Variants in DACH1 observed in about 807,000 individuals in gnomAD.
DACH1 encodes the protein dachshund homolog 1.
In DACH1, 12 loss-of-function variants were observed where a neutral mutation model predicts 54.2. That is an observed-to-expected ratio of 0.22 (90% CI 0.14 to 0.36). DACH1 has a LOEUF of 0.36. Among genes scored for constraint, DACH1 ranks in the 10% least tolerant of loss-of-function variants. DACH1 has a pLI of 1.00. For missense variants in DACH1, 805 were observed against 929.8 expected (o/e 0.87, Z 1.75); for synonymous variants, 386 against 366.2 (o/e 1.05, Z -0.62).
chr13:71,632,171 C>T (rs1594016965), intron 2 of DACH1, among the ~76,000 whole-genome samples: 1 of 151,890 alleles, frequency 6.6e-6, no homozygotes, highest in African/African-American at 2.4e-5. Flanking sequence ...GAGACAAGAT[C>T]TCGGAAGATC....
intron 2 of DACH1, among the ~76,000 whole-genome samples, chr13:71,636,030 C>T (rs747059075): frequency 2.6e-5 from 4 of 152,202 alleles, no homozygotes; most frequent in Admixed American, 2.0e-4. Flanking sequence ...GTGATCCACC[C>T]GTCTCAGCTT....
At chr13:71,850,759 G>A (rs1873604481) in intron 1 of DACH1, among the ~76,000 whole-genome samples, 1 of 152,146 alleles carries the variant, frequency 6.6e-6, no homozygotes, top group African/African-American at 2.4e-5. Flanking sequence ...CTGTCTTTGA[G>A]TCACTCTGAC....
chr13:71,713,416 CTTATAA>C (rs1260682920), intron 1 of DACH1, among the ~76,000 whole-genome samples: 2 of 152,112 alleles, frequency 1.3e-5, no homozygotes, highest in Admixed American at 6.6e-5. Context: ...TTATTGTTCT[CTTATAA>C]TTATATCACT....
intron 3 of DACH1, among the ~76,000 whole-genome samples, chr13:71,600,855 A>G (rs1391396431): frequency 6.6e-6 from 1 of 152,136 alleles, no homozygotes; most frequent in Non-Finnish European, 1.5e-5. Flanking sequence ...ACTTTTCATT[A>G]GAATCACCTG....
At chr13:71,816,085 CA>C (rs1371160536) in intron 1 of DACH1, among the ~76,000 whole-genome samples, 2 of 145,354 alleles carry the variant, frequency 1.4e-5, no homozygotes, top group Non-Finnish European at 1.5e-5. Flanking sequence ...ACTCCGTCTC[CA>C]AAAAAAAATA....
intron 6 of DACH1, among the ~76,000 whole-genome samples, chr13:71,521,760 A>C (rs1476772535): frequency 1.3e-5 from 2 of 152,072 alleles, no homozygotes; most frequent in Non-Finnish European, 2.9e-5. Context: ...CAGCCTCTAC[A>C]CCATACTTAA....
At chr13:71,484,898 T>C (rs1878352080) in intron 7 of DACH1, among the ~76,000 whole-genome samples, 1 of 151,914 alleles carries the variant, frequency 6.6e-6, no homozygotes, top group Non-Finnish European at 1.5e-5. Context: ...GCATCTCTAC[T>C]AAAATGCTTT....
intron 10 of DACH1, among the ~76,000 whole-genome samples, chr13:71,452,974 C>T (rs1023464498): frequency 6.6e-6 from 1 of 152,066 alleles, no homozygotes; most frequent in Non-Finnish European, 1.5e-5. Flanking sequence ...TTTTGCTTTG[C>T]TTTTATAAAT....
chr13:71,559,825 C>G lies in DACH1; in HGVS notation c.1430G>C (p.Arg477Thr), dbSNP rs776174060. 1 of 1,613,758 alleles carries G rather than the reference C, an allele frequency of 6.2e-7. No homozygotes were observed. The highest frequency in any genetic ancestry group is 1.1e-5 in the South Asian group (1 of 91,062). ...AGTAGAAGTATGAGACCTACGGATT[C>G]TGTCAGAAGAGCTCTCAGTCCGAGC... Reference protein sequence around the residue: ...SPARTESSSDRIPVHQNGLSM... With the variant: ...SPARTESSSDTIPVHQNGLSM... Residue 477 changes from arginine to threonine, a missense_variant, in exon 5 of 11, where the codon AGA (arginine) becomes ACA (threonine). Physicochemically the swap from Arg to Thr is moderately conservative, Grantham distance 71. This residue lies in a region of DACH1 where 472 missense variants were observed against 545.3 expected (regional missense o/e 0.87). Transcript: ENST00000613252.
At chr13:71,693,998 C>T (rs1301880707) in intron 1 of DACH1, among the ~76,000 whole-genome samples, 1 of 152,038 alleles carries the variant, frequency 6.6e-6, no homozygotes, top group African/African-American at 2.4e-5. Context: ...ATGATTGCTC[C>T]TTAGAGATGT....
intron 3 of DACH1, among the ~76,000 whole-genome samples, chr13:71,586,204 G>C (rs1273097304): frequency 6.6e-6 from 1 of 152,114 alleles, no homozygotes; most frequent in Non-Finnish European, 1.5e-5. Flanking sequence ...CAACAATGTG[G>C]AGTTCTTATT....
chr13:71,507,003 C>T (rs574074296), intron 6 of DACH1, among the ~76,000 whole-genome samples: 32 of 151,350 alleles, frequency 2.1e-4, no homozygotes, highest in Admixed American at 7.3e-4. Context: ...TGGGCAAGGA[C>T]TTCATGTCTA....
chr13:71,723,744 G>T (rs944039923), intron 1 of DACH1, among the ~76,000 whole-genome samples: 2 of 152,130 alleles, frequency 1.3e-5, no homozygotes, highest in African/African-American at 4.8e-5. Context: ...AGTCTGAAGT[G>T]CAGTGGTGCT....
At chr13:71,766,076 C>T (rs1213818080) in intron 1 of DACH1, among the ~76,000 whole-genome samples, 1 of 151,930 alleles carries the variant, frequency 6.6e-6, no homozygotes, top group Non-Finnish European at 1.5e-5. Context: ...TTAGTAGAGA[C>T]GGGGTTTCAC....
At chr13:71,543,046 T>A (rs1883237005) in intron 6 of DACH1, among the ~76,000 whole-genome samples, 4 of 152,078 alleles carry the variant, frequency 2.6e-5, no homozygotes. Context: ...ATAAAAGAGA[T>A]TTTCCAATAT....
At chr13:71,798,996 A>G (rs2138117836) in intron 1 of DACH1, among the ~76,000 whole-genome samples, 1 of 152,198 alleles carries the variant, frequency 6.6e-6, no homozygotes, top group South Asian at 2.1e-4. Flanking sequence ...ATACACACTT[A>G]ATTGATCTCT....
intron 6 of DACH1, among the ~76,000 whole-genome samples, chr13:71,497,859 GACACACACACACACACAC>G (rs6145114): frequency 4.1e-4 from 60 of 146,408 alleles, no homozygotes; most frequent in Admixed American, 9.6e-4. Flanking sequence ...AATATGTGTT[GACACACACACACACACAC>G]ACACACACAC....
chr13:71,731,308 T>TTA, intron 1 of DACH1, among the ~76,000 whole-genome samples: 1 of 149,688 alleles, frequency 6.7e-6, no homozygotes, highest in African/African-American at 2.5e-5. Flanking sequence ...TTTTTTTTTT[T>TTA]GGAGACAGAG....
Position 71,473,688 on chromosome 13 carries a change from T to A in DACH1, c.2083+1453A>T, listed in dbSNP as rs951936553. Among the ~76,000 whole-genome samples the A allele has an allele frequency of 8.5e-5, 13 of 152,306 alleles. No individual in the cohort carries two copies. In the South Asian group the frequency reaches 1.9e-3, roughly 22 times the overall value. On this transcript the variant is annotated intron_variant, in intron 10 of 10. Coordinates refer to ENST00000613252, the MANE Select transcript of DACH1 (RefSeq NM_080759.6). ...TATATGCAGGACGATATTGTTTCAA[T>A]TTTTTCTAGATTGACTTCTGACCAC... is the stretch of plus-strand genomic sequence containing the variant.
Sources: gnomAD v4.1 joint callset for allele counts (sites outside exome capture counted in the v4.1 genomes callset) on GRCh38, gnomAD v4.1.1 for gene constraint, gnomAD v4.1.1 regional missense constraint, MANE v1.5 for transcripts, NCBI Gene and HGNC (gene_info 2026-07-23, HGNC 2026-07-21) for gene names.